The following VPS54 variants were observed in gnomAD, a reference collection of about 807,000 sequenced individuals.
VPS54 encodes the protein vacuolar protein sorting-associated protein 54.
In VPS54, 45 loss-of-function variants were observed where a neutral mutation model predicts 121.5. That is an observed-to-expected ratio of 0.37 (90% CI 0.29 to 0.47). The LOEUF (loss-of-function observed/expected upper bound fraction) is 0.47, where lower values mean the gene tolerates loss of function less well. VPS54 is among the 20% of genes least tolerant of loss of function. The pLI is 0.99. For synonymous variants in VPS54, 371 were observed against 385.8 expected (o/e 0.96, Z 0.45); for missense variants, 1,090 against 1,131.4 (o/e 0.96, Z 0.52).
intron 7 of VPS54, among the ~76,000 whole-genome samples, chr2:63,950,499 T>G (rs1379818837): frequency 6.6e-6 from 1 of 152,144 alleles, no homozygotes; most frequent in Non-Finnish European, 1.5e-5. Flanking sequence ...TAAAAGGCAG[T>G]CTCTTATTGG....
rs536451583 is a variant in VPS54 at position 63,892,683 on chromosome 2, A to G, written c.*747T>C. ...CAGATATTAAACTGTAGCCTTTTAT[A>G]TACCATTTCTGAAAAGTATTTAGTT... On this transcript the variant is annotated 3_prime_UTR_variant, in exon 23 of 23. Coordinates refer to ENST00000272322, the MANE Select transcript of VPS54 (RefSeq NM_016516.3). 1.4e-4 allele frequency: 21 copies of G among 152,716 alleles called. No homozygotes were observed. The highest frequency in any genetic ancestry group is 4.6e-4 in the African/African-American group (19 of 41,562). The allele number at this position is 152,716 out of a possible 1,614,324, so 9.5% of individuals were successfully genotyped here. A position where few individuals can be genotyped will look rare whatever the true frequency, so the allele number is the denominator to read the frequency against.
At chr2:63,931,454 G>A (rs1674197223) in intron 12 of VPS54, among the ~76,000 whole-genome samples, 1 of 152,146 alleles carries the variant, frequency 6.6e-6, no homozygotes, top group Non-Finnish European at 1.5e-5. Context: ...CTAGCCATAT[G>A]CAGAAAACTG....
intron 11 of VPS54, among the ~76,000 whole-genome samples, chr2:63,934,294 A>G (rs1674352871): frequency 6.6e-6 from 1 of 152,142 alleles, no homozygotes; most frequent in Admixed American, 6.6e-5. Flanking sequence ...TATTTCTCTG[A>G]CCTCTTAAAA....
intron 1 of VPS54, among the ~76,000 whole-genome samples, chr2:64,014,168 T>G (rs1005403899): frequency 2.0e-5 from 3 of 152,206 alleles, no homozygotes; most frequent in Non-Finnish European, 2.9e-5. Flanking sequence ...TTCTCACATC[T>G]GAAGAATAAT....
chr2:63,983,343 G>C (rs1181252386), intron 2 of VPS54, among the ~76,000 whole-genome samples: 1 of 151,828 alleles, frequency 6.6e-6, no homozygotes, highest in Non-Finnish European at 1.5e-5. Context: ...ATGTTGGCCA[G>C]GCTGATGTTG....
In VPS54 at chr2:63,913,232, T is replaced by G; in HGVS notation, c.2413A>C (p.Lys805Gln). 1 of 1,609,148 alleles carries G rather than the reference T, an allele frequency of 6.2e-7. No homozygotes were observed. Among genetic ancestry groups the G allele is most frequent in the Non-Finnish European group, 8.5e-7 (1 of 1,178,116 alleles). The change falls in exon 18 of 23, where the codon AAA (lysine) becomes CAA (glutamine). Residue 805 changes from lysine to glutamine, a missense_variant. Physicochemically the swap from Lys to Gln is moderately conservative, Grantham distance 53. Coordinates refer to ENST00000272322, the MANE Select transcript of VPS54 (RefSeq NM_016516.3). Reference sequence around the variant, plus strand: ...ACGCAAGAATCCATACCCAAATTTTTTGTAGTTATCGTTTTTAGTCCAACA... The same window carrying G: ...ACGCAAGAATCCATACCCAAATTTTGTGTAGTTATCGTTTTTAGTCCAACA... Reference protein sequence around the residue: ...QVVGLKTITTKNLALSSRCLQ... With the variant: ...QVVGLKTITTQNLALSSRCLQ...
chr2:63,975,010 C>A, intron 3 of VPS54: 1 of 1,549,702 alleles, frequency 6.5e-7, no homozygotes, highest in Non-Finnish European at 8.7e-7. Context: ...TAGTGGGAAG[C>A]ATCTAGTTTC....
At chr2:63,937,127 CA>C (rs1239418051) in intron 11 of VPS54, among the ~76,000 whole-genome samples, 1 of 151,740 alleles carries the variant, frequency 6.6e-6, no homozygotes, top group African/African-American at 2.4e-5. Flanking sequence ...ACATAGGTGA[CA>C]ACAAAAAAAT....
intron 12 of VPS54, among the ~76,000 whole-genome samples, chr2:63,931,584 C>G (rs908749712): frequency 6.6e-6 from 1 of 152,320 alleles, no homozygotes; most frequent in South Asian, 2.1e-4. Flanking sequence ...CCATTCAGGA[C>G]ATAGGCATGG....
chr2:63,902,946 C>T (rs1370482572), intron 20 of VPS54, among the ~76,000 whole-genome samples: 1 of 151,716 alleles, frequency 6.6e-6, no homozygotes, highest in Non-Finnish European at 1.5e-5. Flanking sequence ...CCAGCCTGGG[C>T]GAAAGAGTGA....
chr2:63,965,699 G>T, intron 6 of VPS54, 136 bp downstream of exon 6: 1 of 1,220,386 alleles, frequency 8.2e-7, no homozygotes, highest in Non-Finnish European at 1.1e-6. Context: ...GTTAAGATTG[G>T]GAGGCTTATA....
intron 18 of VPS54, 34 bp downstream of exon 18, chr2:63,913,189 C>G (rs752517220): frequency 1.3e-6 from 2 of 1,568,294 alleles, no homozygotes; most frequent in African/African-American, 2.7e-5. Flanking sequence ...ACTGTTAACA[C>G]TTCAGCAAGT....
At chr2:63,958,671 G>A (rs934713130) in intron 7 of VPS54, among the ~76,000 whole-genome samples, 35 of 152,112 alleles carry the variant, frequency 2.3e-4, no homozygotes, top group Non-Finnish European at 4.3e-4. Flanking sequence ...AGCTATGATC[G>A]CACCATTGCA....
In VPS54 at chr2:63,981,825, AT is replaced by A; in HGVS notation, c.198del (p.Tyr67IlefsTer5). On this transcript the variant is annotated frameshift_variant, in exon 3 of 23. Coordinates refer to ENST00000272322, the MANE Select transcript of VPS54 (RefSeq NM_016516.3). LOFTEE classifies it high-confidence loss of function. ...GCTGGGAGATTTACTTTGGAATGAT[AT>A]ACAGTCCATCTATGTTGATCTGTAA... ...SLVTDQHRWT[V>X]YHSKVNLPAA... 6.2e-7 allele frequency: 1 copy of A among 1,613,682 alleles called. No individual in the cohort carries two copies. Among genetic ancestry groups the A allele is most frequent in the Non-Finnish European group, 8.5e-7 (1 of 1,179,704 alleles).
rs984896930 is a variant in VPS54 at position 63,893,205 on chromosome 2, T to A, written c.*225A>T. The A allele has an allele frequency of 2.7e-5, 16 of 584,066 alleles. No homozygotes were observed. The highest frequency in any genetic ancestry group is 4.6e-5 in the Non-Finnish European group (15 of 323,858). The allele number at this position is 584,066 out of a possible 1,614,324, so 36.2% of individuals were successfully genotyped here. On this transcript the variant is annotated 3_prime_UTR_variant, in exon 23 of 23. Coordinates refer to ENST00000272322, the MANE Select transcript of VPS54 (RefSeq NM_016516.3). ...TTTCCAGAGAGAATGAAAAATGTTA[T>A]AGACACCTGATCAGTTACTCCTCAC... is the stretch of plus-strand genomic sequence containing the variant.
chr2:63,947,650 C>A (rs1367136188), intron 8 of VPS54, among the ~76,000 whole-genome samples, 160 bp from the exon 9 acceptor site: 1 of 151,886 alleles, frequency 6.6e-6, no homozygotes, highest in East Asian at 1.9e-4. Flanking sequence ...GCAATCTTAT[C>A]ATGAGATTTT....
intron 1 of VPS54, among the ~76,000 whole-genome samples, chr2:64,005,915 AGAAG>A (rs1678121488): frequency 6.6e-6 from 1 of 152,240 alleles, no homozygotes; most frequent in Non-Finnish European, 1.5e-5. Context: ...TACAGTAAAT[AGAAG>A]GAAGTAGGAT....
chr2:63,900,781 T>G (rs1672649133), intron 20 of VPS54, among the ~76,000 whole-genome samples: 1 of 152,200 alleles, frequency 6.6e-6, no homozygotes, highest in African/African-American at 2.4e-5. Flanking sequence ...TTTGATTTTT[T>G]GAGACAGAGT....
chr2:63,929,444 A>G (rs955103444), intron 12 of VPS54, among the ~76,000 whole-genome samples: 9 of 152,242 alleles, frequency 5.9e-5, no homozygotes, highest in African/African-American at 2.2e-4. Context: ...GAAGGCAGAA[A>G]CAAAGATGTT....
Sources: allele counts gnomAD v4.1 joint callset (sites outside exome capture counted in the v4.1 genomes callset), GRCh38; gene constraint gnomAD v4.1.1; transcripts MANE v1.5; gene names NCBI Gene and HGNC (gene_info 2026-07-23, HGNC 2026-07-21).